Variants in ELMO1 observed in about 807,000 individuals in gnomAD.
ELMO1 encodes the protein engulfment and cell motility protein 1.
Under a neutral mutation model 98.9 loss-of-function variants are expected in ELMO1, and 26 were observed. The ratio of observed to expected loss-of-function variants is 0.26; its 90% CI spans 0.19 to 0.36. The LOEUF (loss-of-function observed/expected upper bound fraction) is 0.36. Among genes scored for constraint, ELMO1 ranks in the 10% least tolerant of loss-of-function variants. ELMO1 has a pLI of 1.00. For missense variants in ELMO1, 627 were observed against 935.2 expected (o/e 0.67, Z 4.30); for synonymous variants, 346 against 346.0 (o/e 1.00, Z 0.00).
intron 15 of ELMO1, among the ~76,000 whole-genome samples, chr7:37,080,459 A>G (rs1797806854): frequency 7.0e-6 from 1 of 143,320 alleles, no homozygotes; most frequent in South Asian, 2.2e-4. Context: ...TTTTTTTGAG[A>G]CAGAGTCTTG....
At chr7:36,880,441 T>C (rs974891974) in intron 18 of ELMO1, among the ~76,000 whole-genome samples, 1 of 152,212 alleles carries the variant, frequency 6.6e-6, no homozygotes, top group African/African-American at 2.4e-5. Context: ...GTAGAGTAAA[T>C]TGCACAACTT....
chr7:37,390,986 G>A (rs1311582043), intron 1 of ELMO1, among the ~76,000 whole-genome samples: 1 of 151,258 alleles, frequency 6.6e-6, no homozygotes, highest in Non-Finnish European at 1.5e-5. Context: ...CCCAAATCAG[G>A]TATATTCTGG....
At chr7:37,351,430 A>C (rs754489465) in intron 1 of ELMO1, among the ~76,000 whole-genome samples, 11 of 152,218 alleles carry the variant, frequency 7.2e-5, no homozygotes, top group Non-Finnish European at 1.6e-4. Flanking sequence ...GATGAAGCTG[A>C]AGCTGAAGCT....
At chr7:37,311,214 T>C (rs1798872147) in intron 4 of ELMO1, among the ~76,000 whole-genome samples, 1 of 149,470 alleles carries the variant, frequency 6.7e-6, no homozygotes, top group Non-Finnish European at 1.5e-5. Flanking sequence ...TTTCAAAAAA[T>C]GGGCTTGGAG....
chr7:37,342,861 T>A lies in ELMO1; in HGVS notation c.-73-98A>T, dbSNP rs60600003. 8.3e-6 allele frequency: 5 copies of A among 601,946 alleles called. No individual in the cohort carries two copies. The highest frequency in any genetic ancestry group is 1.1e-5 in the Non-Finnish European group (4 of 355,530). 37.3% of individuals were successfully genotyped at this position (601,946 alleles called of 1,614,324 possible). ...TCCTGTTTTCACTGGTGGTTTGGTATGAAAAACGGCTCCCCTTGGTGCCTG... is the reference window on the plus strand; with the variant it reads ...TCCTGTTTTCACTGGTGGTTTGGTAAGAAAAACGGCTCCCCTTGGTGCCTG... On this transcript the variant is annotated intron_variant, in intron 1 of 21. Coordinates refer to ENST00000310758, the MANE Select transcript of ELMO1 (RefSeq NM_014800.11). The surrounding 1 kb of genome is among the most constrained non-coding windows in gnomAD (Gnocchi z 4.3).
At chr7:37,350,182 G>A (rs1188297952) in intron 1 of ELMO1, among the ~76,000 whole-genome samples, 1 of 152,182 alleles carries the variant, frequency 6.6e-6, no homozygotes, top group East Asian at 1.9e-4. Flanking sequence ...GAGGGAACAC[G>A]GTGTGTTCAG....
chr7:37,392,439 G>A (rs1254667433), intron 1 of ELMO1, among the ~76,000 whole-genome samples: 1 of 152,202 alleles, frequency 6.6e-6, no homozygotes, highest in East Asian at 1.9e-4. Flanking sequence ...GGCAGAACTT[G>A]GTGACAACCT....
At chr7:37,222,736 C>T (rs1793664350) in intron 9 of ELMO1, 43 bp from the exon 10 acceptor site, 1 of 1,586,844 alleles carries the variant, frequency 6.3e-7, no homozygotes, top group East Asian at 2.2e-5. Flanking sequence ...AACACGAAGT[C>T]AGAAGAGGCT....
chr7:36,895,091 G>T, intron 16 of ELMO1, 74 bp from the exon 17 acceptor site: 3 of 1,565,356 alleles, frequency 1.9e-6, no homozygotes, highest in Non-Finnish European at 2.6e-6. Flanking sequence ...TCCGAGTTAA[G>T]GGCTCCCTGC....
In ELMO1 at chr7:36,854,459, A is replaced by G. The variant is rs1802049508; in HGVS notation, c.*1092T>C. On this transcript the variant is annotated 3_prime_UTR_variant, in exon 22 of 22. Coordinates refer to ENST00000310758, the MANE Select transcript of ELMO1 (RefSeq NM_014800.11). ...AATTAAAAAAAAACTGGAAATTCAC[A>G]CATTTATGTATCTCTTCTTTTCATT... 6.6e-6 allele frequency: 1 copy of G among 152,204 alleles called. No homozygotes were observed. Among genetic ancestry groups the G allele is most frequent in the South Asian group, 2.1e-4 (1 of 4,810 alleles). 9.4% of individuals were successfully genotyped at this position (152,204 alleles called of 1,614,324 possible).
At chr7:37,236,137 T>A (rs1794447451) in intron 7 of ELMO1, among the ~76,000 whole-genome samples, 1 of 152,186 alleles carries the variant, frequency 6.6e-6, no homozygotes, top group Non-Finnish European at 1.5e-5. Context: ...CTAATCCAAA[T>A]GATCTTAGTA....
intron 16 of ELMO1, among the ~76,000 whole-genome samples, chr7:36,972,756 ATATATC>A (rs1487892454): frequency 6.6e-6 from 1 of 152,296 alleles, no homozygotes; most frequent in African/African-American, 2.4e-5. Flanking sequence ...ACTTCAATCT[ATATATC>A]TATATAACTA....
At chr7:36,916,657 G>C (rs1048607437) in intron 16 of ELMO1, among the ~76,000 whole-genome samples, 5 of 152,222 alleles carry the variant, frequency 3.3e-5, no homozygotes, top group African/African-American at 1.2e-4. Context: ...GGCAACACTT[G>C]TGTGGGCTAA....
chr7:37,295,635 G>A (rs1173654946), intron 4 of ELMO1, among the ~76,000 whole-genome samples: 1 of 152,060 alleles, frequency 6.6e-6, no homozygotes, highest in Admixed American at 6.5e-5. Context: ...CAACCAAAAT[G>A]CAGTCTTTTT....
intron 13 of ELMO1, among the ~76,000 whole-genome samples, chr7:37,143,265 CA>C (rs148189273): frequency 0.023 from 3,485 of 152,294 alleles, 139 homozygotes; most frequent in African/African-American, 0.08. Context: ...GTGGCAAAGC[CA>C]GACTGTGAAC....
chr7:37,380,370 C>T (rs1033963507), intron 1 of ELMO1, among the ~76,000 whole-genome samples: 1 of 152,188 alleles, frequency 6.6e-6, no homozygotes, highest in African/African-American at 2.4e-5. Flanking sequence ...ACCCATTTCC[C>T]AGTATAGTAC....
intron 16 of ELMO1, among the ~76,000 whole-genome samples, chr7:36,936,911 G>T (rs1376272463): frequency 1.3e-5 from 2 of 152,106 alleles, no homozygotes; most frequent in African/African-American, 4.8e-5. Flanking sequence ...CTGAAAATAT[G>T]GTATTTCCTT....
chr7:37,277,258 C>G (rs978104768), intron 4 of ELMO1, among the ~76,000 whole-genome samples: 4 of 152,212 alleles, frequency 2.6e-5, no homozygotes, highest in Non-Finnish European at 5.9e-5. Context: ...GGGTGACCAG[C>G]ACTGCATCAG....
intron 15 of ELMO1, among the ~76,000 whole-genome samples, chr7:37,031,981 G>A (rs970117530): frequency 6.6e-6 from 1 of 152,304 alleles, no homozygotes; most frequent in Admixed American, 6.5e-5. Flanking sequence ...GCATGTAAGT[G>A]TGTAGGACTG....
Sources: allele counts gnomAD v4.1 joint callset (sites outside exome capture counted in the v4.1 genomes callset), GRCh38; gene constraint gnomAD v4.1.1; non-coding constraint Gnocchi (gnomAD v3.1); transcripts MANE v1.5; gene names NCBI Gene and HGNC (gene_info 2026-07-23, HGNC 2026-07-21).